The following BCAR1 variants were observed in gnomAD, a reference collection of about 807,000 sequenced individuals.
The protein encoded by BCAR1 is breast cancer anti-estrogen resistance protein 1.
Under a neutral mutation model 67.6 loss-of-function variants are expected in BCAR1, and 30 were observed. The observed-to-expected ratio is 0.44, with a 90% CI of 0.33 to 0.60. The LOEUF (loss-of-function observed/expected upper bound fraction) is 0.60, where lower values mean the gene tolerates loss of function less well. Ranked by LOEUF, BCAR1 falls within the 20% of genes least tolerant of loss-of-function variation. The probability of loss-of-function intolerance (pLI) is 0.02; values close to 1 mark genes in which losing one functional copy is unlikely to be tolerated. For synonymous variants in BCAR1, 626 were observed against 556.7 expected (o/e 1.12, Z -1.75); for missense variants, 1,313 against 1,222.3 (o/e 1.07, Z -1.11).
intron 1 of BCAR1, chr16:75,250,984 C>G (rs76884543): frequency 2.0e-6 from 2 of 985,866 alleles, no homozygotes; most frequent in African/African-American, 3.5e-5. Flanking sequence ...CAGCCTTCCC[C>G]GCTGGCGCCA....
At chr16:75,262,750 G>C (rs1414068591) in intron 1 of BCAR1, among the ~76,000 whole-genome samples, 2 of 152,162 alleles carry the variant, frequency 1.3e-5, no homozygotes, top group African/African-American at 4.8e-5. Flanking sequence ...TGCTAAGGCT[G>C]GTCTACTCAT....
At chr16:75,233,260 C>T (rs755128071) in intron 6 of BCAR1, among the ~76,000 whole-genome samples, 23 of 151,996 alleles carry the variant, frequency 1.5e-4, no homozygotes, top group Non-Finnish European at 2.6e-4. Flanking sequence ...GTAATCCCAA[C>T]TACTGGGGAG....
Position 75,250,842 on chromosome 16 carries a change from G to A in BCAR1, c.12+629C>T, listed in dbSNP as rs1362355133. 3 of 985,346 alleles carry A rather than the reference G, an allele frequency of 3.0e-6. No individual in the cohort carries two copies. The African/African-American group carries it at 5.2e-5, about 17-fold the overall frequency. The allele number at this position is 985,346 out of a possible 1,614,324, so 61.0% of individuals were successfully genotyped here. On this transcript the variant is annotated intron_variant, in intron 1 of 6. Transcript: ENST00000162330. ...GCTAGGACTCCTGTGGCCAGGACCC[G>A]GCTTCCACCGGCGCTCGGCGTGCGG... is the stretch of plus-strand genomic sequence containing the variant.
In BCAR1 at chr16:75,229,553, G is replaced by A; in HGVS notation, c.2571C>T (p.Thr857=). 6.2e-7 allele frequency: 1 copy of A among 1,604,320 alleles called. No individual in the cohort carries two copies. The highest frequency in any genetic ancestry group is 8.5e-7 in the Non-Finnish European group (1 of 1,176,174). The change falls in exon 7 of 7, where the codon ACC becomes ACT. Residue 857 remains threonine, a synonymous_variant. Transcript: ENST00000162330. ...VERVKELGHS[T]QQFRRVLGQL... is the part of the protein sequence containing the mutation. ...GGCCTAGGACGCGGCGGAACTGCTG[G>A]GTGCTGTGGCCCAGCTCCTTGACCC... is the stretch of plus-strand genomic sequence containing the variant.
intron 1 of BCAR1, chr16:75,264,764 G>A: frequency 4.1e-6 from 3 of 736,482 alleles, no homozygotes; most frequent in Non-Finnish European, 5.4e-6. Context: ...CCTGCTTCAC[G>A]GAAAGGATGG....
At chr16:75,267,400 G>T (rs1041479971) in intron 1 of BCAR1, among the ~76,000 whole-genome samples, 10 of 149,462 alleles carry the variant, frequency 6.7e-5, no homozygotes, top group African/African-American at 2.0e-4. Flanking sequence ...AAGCCGGGGG[G>T]GGGGTGGGGG....
At chr16:75,261,044 C>T (rs1333482918) in intron 1 of BCAR1, among the ~76,000 whole-genome samples, 1 of 152,150 alleles carries the variant, frequency 6.6e-6, no homozygotes, top group African/African-American at 2.4e-5. Context: ...CCTCTAATCC[C>T]CCTTGGAGAA....
chr16:75,246,211 T>G (rs2077519759), intron 1 of BCAR1: 1 of 152,148 alleles, frequency 6.6e-6, no homozygotes, highest in Admixed American at 6.6e-5. Flanking sequence ...GCTCAAGTGA[T>G]CCTCCAGCTT....
intron 1 of BCAR1, among the ~76,000 whole-genome samples, chr16:75,244,722 AG>A (rs1467334018): frequency 6.6e-6 from 1 of 152,204 alleles, no homozygotes. Flanking sequence ...GGGAGGGGCC[AG>A]GGGGCAGCTA....
chr16:75,264,662 CAA>C, intron 1 of BCAR1: 1 of 1,255,510 alleles, frequency 8.0e-7, no homozygotes, highest in Non-Finnish European at 1.0e-6. Context: ...TCCACAATAA[CAA>C]TGCTTTGCAC....
intron 2 of BCAR1, among the ~76,000 whole-genome samples, chr16:75,239,937 G>C (rs1172257560): frequency 6.6e-6 from 1 of 152,184 alleles, no homozygotes; most frequent in African/African-American, 2.4e-5. Flanking sequence ...CTGACCAGGG[G>C]CACTACCTGA....
chr16:75,232,088 T>C (rs1051919998), intron 6 of BCAR1, among the ~76,000 whole-genome samples: 12 of 152,090 alleles, frequency 7.9e-5, no homozygotes, highest in African/African-American at 2.9e-4. Flanking sequence ...TTCTCCATGT[T>C]GGTCAGGCTG....
upstream of BCAR1, chr16:75,252,015 C>A (rs2077693123): frequency 3.0e-6 from 2 of 657,790 alleles, no homozygotes; most frequent in East Asian, 2.8e-5. Context: ...TTCCCGCTAA[C>A]CAACCCCAGG....
chr16:75,255,627 G>A (rs1207821887), upstream of BCAR1, among the ~76,000 whole-genome samples: 6 of 151,364 alleles, frequency 4.0e-5, no homozygotes. Flanking sequence ...ACCAGGAGGT[G>A]AAGCAGTGAG....
chr16:75,229,910 G>A lies in BCAR1; in HGVS notation c.2214C>T (p.Pro738=). ...LAPGRTGGLG[P]SDRQLLLFYL... ...AGAAGAGCAGCAGCTGCCGGTCCGA[G>A]GGCCCCAGGCCGCCTGTTCGCCCCG... Residue 738 remains proline, a synonymous_variant, in exon 7 of 7, where the codon CCC becomes CCT. Transcript: ENST00000162330. 6.2e-7 allele frequency: 1 copy of A among 1,609,738 alleles called. No homozygotes were observed.
At chr16:75,263,784 G>A in intron 1 of BCAR1, 3 of 987,286 alleles carry the variant, frequency 3.0e-6, no homozygotes, top group Non-Finnish European at 3.6e-6. Context: ...CGCCACTCTG[G>A]GTTCCAAGGG....
rs180784293 is a variant in BCAR1 at position 75,265,477 on chromosome 16, G to A, written c.66+2438C>T. 9.1e-3 allele frequency among the ~76,000 whole-genome samples: 1,391 copies of A among 152,234 alleles called. 19 individuals are homozygous for A. Among genetic ancestry groups the A allele is most frequent in the African/African-American group, 0.031 (1,302 of 41,560 alleles). ...CCGCTAGGCCTAGCCGTCCTGGTGC[G>A]GGGTCCTGGCGGGCAACAGACTCCT... On this transcript the variant is annotated intron_variant, in intron 1 of 6. Transcript: ENST00000393422.
Position 75,229,917 on chromosome 16 carries a change from A to AG in BCAR1, c.2206dup (p.Leu736ProfsTer17). 6.2e-7 allele frequency: 1 copy of AG among 1,607,938 alleles called. No individual in the cohort carries two copies. Reference sequence around the variant, plus strand: ...CAGCAGCTGCCGGTCCGAGGGCCCCAGGCCGCCTGTTCGCCCCGGGGCCAG... The same window carrying AG: ...CAGCAGCTGCCGGTCCGAGGGCCCCAGGGCCGCCTGTTCGCCCCGGGGCCAG... On this transcript the variant is annotated frameshift_variant, in exon 7 of 7. Transcript: ENST00000162330. LOFTEE classifies it high-confidence loss of function.
chr16:75,264,282 C>T, intron 1 of BCAR1: 1 of 1,393,874 alleles, frequency 7.2e-7, no homozygotes, highest in Admixed American at 2.9e-5. Context: ...GGGGACCTCC[C>T]CATAGAGGCC....
Sources: gnomAD v4.1 joint callset for allele counts (sites outside exome capture counted in the v4.1 genomes callset) on GRCh38, gnomAD v4.1.1 for gene constraint, MANE v1.5 for transcripts, NCBI Gene and HGNC (gene_info 2026-07-23, HGNC 2026-07-21) for gene names.